Variants in PRIM2 observed in about 807,000 individuals in gnomAD.
PRIM2 encodes DNA primase subunit 2.
PRIM2 carries 39 observed loss-of-function variants against 67.3 expected under a neutral mutation model. That is an observed-to-expected ratio of 0.58 (90% CI 0.45 to 0.76). PRIM2 has a LOEUF of 0.76. Ranked by LOEUF, PRIM2 falls within the 30% of genes least tolerant of loss-of-function variation. PRIM2 has a pLI of 0.00. For synonymous variants in PRIM2, 143 were observed against 198.7 expected (o/e 0.72, Z 2.36); for missense variants, 398 against 598.7 (o/e 0.66, Z 3.50).
upstream of PRIM2, among the ~76,000 whole-genome samples, chr6:57,310,470 C>T (rs530322480): frequency 6.6e-6 from 1 of 152,364 alleles, no homozygotes; most frequent in African/African-American, 2.4e-5. Context: ...GACACGGTAA[C>T]AATCTGATCT....
chr6:57,505,186 TC>T (rs1475894272), intron 7 of PRIM2: 10 of 152,248 alleles, frequency 6.6e-5, no homozygotes, highest in Non-Finnish European at 1.3e-4. Flanking sequence ...AGATGCATGC[TC>T]TTTTTGTAAG....
rs550205776 is a variant in PRIM2, at chr6:57,430,398, A to G, written c.693+48230A>G. 1.4e-4 allele frequency among the ~76,000 whole-genome samples: 22 copies of G among 152,050 alleles called. No individual in the cohort carries two copies. In the East Asian group the frequency reaches 3.9e-3, roughly 27 times the overall value. On this transcript the variant is annotated intron_variant, in intron 7 of 13. Coordinates refer to ENST00000615550, the MANE Select transcript of PRIM2 (RefSeq NM_000947.5). ...GTCTATAAATAAGATATGGAAAACG[A>G]AAGTAATTTTGTATGTAATGTTAGC...
At chr6:57,440,476 T>C (rs557187123) in intron 7 of PRIM2, among the ~76,000 whole-genome samples, 117 of 152,336 alleles carry the variant, frequency 7.7e-4, no homozygotes, top group Admixed American at 2.7e-3. Flanking sequence ...TAAAAAGAAT[T>C]AGAAGTTAAT....
At chr6:57,381,935 T>A (rs2127337247) in intron 6 of PRIM2, 96 bp from the exon 7 acceptor site, 1 of 1,291,376 alleles carries the variant, frequency 7.7e-7, no homozygotes, top group Non-Finnish European at 1.0e-6. Context: ...CTGCTAGGAC[T>A]AATGAATTTC....
chr6:57,228,666 C>T, the PRIM2 span, among the ~76,000 whole-genome samples: 3 of 152,170 alleles, frequency 2.0e-5, no homozygotes, highest in Admixed American at 6.5e-5. Context: ...ATCCAGCCAA[C>T]GTTATTGGGC....
chr6:57,642,487 G>C (rs1177145119), intron 13 of PRIM2, among the ~76,000 whole-genome samples: 3 of 115,842 alleles, frequency 2.6e-5, no homozygotes, highest in African/African-American at 3.4e-5. Flanking sequence ...CTGTCGCCCA[G>C]GCTGGAGTGC....
At chr6:57,616,027 A>G (rs1361190648) in intron 12 of PRIM2, among the ~76,000 whole-genome samples, 1 of 152,236 alleles carries the variant, frequency 6.6e-6, no homozygotes, top group African/African-American at 2.4e-5. Flanking sequence ...AGACTAATCT[A>G]AAAGTTGTAG....
At chr6:57,437,662 CTTTTTTTTTTTTT>C (rs11315818) in intron 7 of PRIM2, among the ~76,000 whole-genome samples, 1 of 128,366 alleles carries the variant, frequency 7.8e-6, no homozygotes, top group Non-Finnish European at 1.6e-5. Flanking sequence ...GGAAGGATTC[CTTTTTTTTTTTTT>C]TTTTTTTTAA....
intron 7 of PRIM2, among the ~76,000 whole-genome samples, chr6:57,386,827 A>C (rs948701774): frequency 2.6e-5 from 4 of 151,678 alleles, no homozygotes; most frequent in Non-Finnish European, 4.4e-5. Context: ...ATATTCTTGT[A>C]GGATAAGAAA....
At chr6:57,233,265 T>G in the PRIM2 span, among the ~76,000 whole-genome samples, 10 of 152,240 alleles carry the variant, frequency 6.6e-5, no homozygotes, top group Admixed American at 6.5e-4. Context: ...TTCTTTCCCA[T>G]TCCTGAAAGT....
At position 57,544,205 on chromosome 6, in the gene PRIM2, T is replaced by C. The variant is rs1375493298; in HGVS notation, c.1020+6580T>C. On this transcript the variant is annotated intron_variant, in intron 10 of 13. Coordinates refer to ENST00000615550, the MANE Select transcript of PRIM2 (RefSeq NM_000947.5). ...TATTGGTGAGAGAGCTTGGAATGTTTCTGTGTGGGGGAGAAGTTTATGGCG... is the reference window on the plus strand; with the variant it reads ...TATTGGTGAGAGAGCTTGGAATGTTCCTGTGTGGGGGAGAAGTTTATGGCG... Among the ~76,000 whole-genome samples, 58 of 152,166 alleles carry C rather than the reference T, an allele frequency of 3.8e-4. No homozygotes were observed. The East Asian group carries it at 9.5e-3, about 25-fold the overall frequency.
chr6:57,390,149 G>A lies in PRIM2; in HGVS notation c.693+7981G>A, dbSNP rs527627460. 102 of 154,898 alleles carry A rather than the reference G, an allele frequency of 6.6e-4. 4 individuals carry two copies. The South Asian group carries it at 0.02, about 30-fold the overall frequency. The allele number at this position is 154,898 out of a possible 1,614,324, so 9.6% of individuals were successfully genotyped here. On this transcript the variant is annotated intron_variant, in intron 7 of 13. Coordinates refer to ENST00000615550, the MANE Select transcript of PRIM2 (RefSeq NM_000947.5). ...ATGAGACTATTAGGATGGTGCAAAA[G>A]TAATGTGGTTTTTTTCTTTACTTTT...
At chr6:57,565,972 C>T (rs1168997788) in intron 10 of PRIM2, among the ~76,000 whole-genome samples, 2 of 152,122 alleles carry the variant, frequency 1.3e-5, no homozygotes, top group African/African-American at 4.8e-5. Context: ...CTAGGATTTA[C>T]ATCAGGTCAC....
rs1347346315 is a variant in PRIM2, at chr6:57,554,257, G to C, written c.1020+16632G>C. Among the ~76,000 whole-genome samples the C allele has an allele frequency of 8.9e-5, 13 of 146,798 alleles. No homozygotes were observed. In the East Asian group the frequency reaches 2.5e-3, roughly 29 times the overall value. ...AATGTTGTTTTAAAAGCTATATTTT[G>C]TTAGACTTAGATTTTCACATTCAAG... On this transcript the variant is annotated intron_variant, in intron 10 of 13. Transcript: ENST00000615550.
intron 7 of PRIM2, among the ~76,000 whole-genome samples, chr6:57,398,160 G>T (rs2894846): frequency 6.6e-6 from 1 of 151,834 alleles, no homozygotes; most frequent in African/African-American, 2.4e-5. Flanking sequence ...GGGTTTCACC[G>T]TGTTGGCCAG....
chr6:57,472,370 C>T (rs1773357268), intron 7 of PRIM2, among the ~76,000 whole-genome samples: 1 of 147,420 alleles, frequency 6.8e-6, no homozygotes, highest in African/African-American at 2.5e-5. Flanking sequence ...GCGGAAGTTG[C>T]AGTGAACTGA....
intron 10 of PRIM2, among the ~76,000 whole-genome samples, chr6:57,600,328 GAGGA>G: frequency 7.7e-6 from 1 of 130,106 alleles, no homozygotes; most frequent in Middle Eastern, 3.8e-3. Flanking sequence ...TGGAAATCCA[GAGGA>G]AGGGATTATT....
chr6:57,543,119 T>G (rs1293680434), intron 10 of PRIM2, among the ~76,000 whole-genome samples: 1 of 149,152 alleles, frequency 6.7e-6, no homozygotes, highest in Non-Finnish European at 1.5e-5. Flanking sequence ...TTTTGTATTT[T>G]TAGTAGAGAC....
At chr6:57,241,924 G>A in the PRIM2 span, among the ~76,000 whole-genome samples, 1 of 152,074 alleles carries the variant, frequency 6.6e-6, no homozygotes, top group South Asian at 2.1e-4. Context: ...TGCCCTCCTT[G>A]GCCTCCCAAA....
Sources: allele counts gnomAD v4.1 joint callset (sites outside exome capture counted in the v4.1 genomes callset), GRCh38; gene constraint gnomAD v4.1.1; transcripts MANE v1.5; gene names NCBI Gene and HGNC (gene_info 2026-07-23, HGNC 2026-07-21).